Variants in FAM135B observed in about 807,000 individuals in gnomAD.
FAM135B encodes protein FAM135B.
FAM135B carries 43 observed loss-of-function variants against 127.7 expected under a neutral mutation model. The ratio of observed to expected loss-of-function variants is 0.34; its 90% CI spans 0.26 to 0.43. The LOEUF (loss-of-function observed/expected upper bound fraction) is 0.43. Among genes scored for constraint, FAM135B ranks in the 20% least tolerant of loss-of-function variants. The pLI is 1.00. For missense variants in FAM135B, 1,558 were observed against 1,725.6 expected, an observed-to-expected ratio of 0.90 and a Z score of 1.72; for synonymous variants, 670 against 665.1, an observed-to-expected ratio of 1.01 and a Z score of -0.11.
chr8:138,347,673 C>G (rs1829507277), intron 2 of FAM135B, among the ~76,000 whole-genome samples: 2 of 152,156 alleles, frequency 1.3e-5, no homozygotes, highest in African/African-American at 4.8e-5. Flanking sequence ...CATCATCACT[C>G]TGCTTGCTGA....
At position 138,241,599 on chromosome 8, in the gene FAM135B, A is replaced by G. The variant is rs2130357764; in HGVS notation, c.669+1343T>C. Among the ~76,000 whole-genome samples the G allele has an allele frequency of 6.6e-6, 1 of 152,316 alleles. No individual in the cohort carries two copies. Among genetic ancestry groups the G allele is most frequent in the East Asian group, 1.9e-4 (1 of 5,178 alleles). ...GAGCCAGCTGAGTGCATTACCTAAT[A>G]TTCTGAACAGTCTGTGCACAGAGCC... On this transcript the variant is annotated intron_variant, in intron 7 of 19. Transcript: ENST00000395297. This position sits in a 1 kb window ranked among gnomAD's most constrained non-coding sequence, Gnocchi z 4.8.
intron 1 of FAM135B, among the ~76,000 whole-genome samples, chr8:138,423,491 G>GC (rs1476859981): frequency 3.9e-5 from 6 of 152,084 alleles, no homozygotes; most frequent in Non-Finnish European, 8.8e-5. Flanking sequence ...GTTCCGTGAT[G>GC]CCCCACAAGC....
intron 2 of FAM135B, among the ~76,000 whole-genome samples, chr8:138,337,067 C>T (rs1237731201): frequency 6.6e-6 from 1 of 151,984 alleles, no homozygotes; most frequent in Admixed American, 6.5e-5. Flanking sequence ...ACCCTTCATG[C>T]TAAAAACTCT....
chr8:138,199,247 C>T (rs1011020120), intron 7 of FAM135B, among the ~76,000 whole-genome samples: 6 of 152,206 alleles, frequency 3.9e-5, no homozygotes, highest in Non-Finnish European at 8.8e-5. Context: ...CACCGTACCA[C>T]AATGATTGTC....
At chr8:138,336,282 C>T (rs916735509) in intron 2 of FAM135B, among the ~76,000 whole-genome samples, 1 of 152,078 alleles carries the variant, frequency 6.6e-6, no homozygotes, top group African/African-American at 2.4e-5. Context: ...GAAATAGAGA[C>T]ATAAAAAGCC....
chr8:138,375,738 A>G (rs1831429223), intron 1 of FAM135B, among the ~76,000 whole-genome samples: 1 of 152,054 alleles, frequency 6.6e-6, no homozygotes, highest in African/African-American at 2.4e-5. Context: ...CCAGTTTTTC[A>G]TCATCATTAT....
At chr8:138,374,980 A>T (rs1431963144) in intron 1 of FAM135B, among the ~76,000 whole-genome samples, 4 of 146,736 alleles carry the variant, frequency 2.7e-5, no homozygotes, top group Non-Finnish European at 5.9e-5. Context: ...AACCTGGGAA[A>T]ATTAACAACA....
chr8:138,433,558 TAAA>T (rs1835308952), intron 1 of FAM135B, among the ~76,000 whole-genome samples: 1 of 148,914 alleles, frequency 6.7e-6, no homozygotes, highest in Non-Finnish European at 1.5e-5. Flanking sequence ...AATAAATAAA[TAAA>T]TAAATAAAAT....
At chr8:138,303,456 G>T (rs1176313137) in intron 3 of FAM135B, among the ~76,000 whole-genome samples, 1 of 152,074 alleles carries the variant, frequency 6.6e-6, no homozygotes, top group Non-Finnish European at 1.5e-5. Context: ...GCAAGGGGAG[G>T]GAGAGCATTA....
rs748238518 is a variant in FAM135B at position 138,152,994 on chromosome 8, A to T, written c.1481T>A (p.Met494Lys). Residue 494 changes from methionine to lysine, a missense_variant, in exon 13 of 20, where the codon ATG becomes AAG. Coordinates refer to ENST00000395297, the MANE Select transcript of FAM135B (RefSeq NM_015912.4). ...ENVATQNHMD[M>K]CSESQVYISI... ...TATATACACCTGAGATTCAGAGCAC[A>T]TGTCCATATGATTTTGTGTGGCCAC... The T allele has an allele frequency of 6.2e-7, 1 of 1,614,204 alleles. No homozygotes were observed. Among genetic ancestry groups the T allele is most frequent in the Non-Finnish European group, 8.5e-7 (1 of 1,180,038 alleles).
chr8:138,387,417 A>C (rs983412838), intron 1 of FAM135B, among the ~76,000 whole-genome samples: 5 of 152,168 alleles, frequency 3.3e-5, no homozygotes, highest in Non-Finnish European at 7.4e-5. Flanking sequence ...ATAGAGAAAG[A>C]AGCAAATGCA....
intron 2 of FAM135B, among the ~76,000 whole-genome samples, chr8:138,355,074 T>C (rs1452464944): frequency 2.0e-5 from 3 of 152,148 alleles, no homozygotes; most frequent in Non-Finnish European, 4.4e-5. Flanking sequence ...AGTGTTCTCA[T>C]TGTTCAATTT....
At chr8:138,456,652 A>G (rs1836797480) in intron 1 of FAM135B, among the ~76,000 whole-genome samples, 1 of 152,174 alleles carries the variant, frequency 6.6e-6, no homozygotes, top group Non-Finnish European at 1.5e-5. Context: ...GGAAAAAACA[A>G]GCTCATTTTA....
At chr8:138,399,620 C>T (rs1833038395) in intron 1 of FAM135B, among the ~76,000 whole-genome samples, 2 of 152,104 alleles carry the variant, frequency 1.3e-5, no homozygotes, top group Non-Finnish European at 2.9e-5. Context: ...GGAAAAAAGG[C>T]TAATATTTAG....
chr8:138,183,572 C>G (rs930401066), intron 9 of FAM135B, among the ~76,000 whole-genome samples: 1 of 152,224 alleles, frequency 6.6e-6, no homozygotes, highest in Non-Finnish European at 1.5e-5. Context: ...TTTAAACTCA[C>G]AGGATATACC....
At chr8:138,428,260 T>A (rs746224643) in intron 1 of FAM135B, among the ~76,000 whole-genome samples, 6 of 152,172 alleles carry the variant, frequency 3.9e-5, no homozygotes, top group Non-Finnish European at 5.9e-5. Context: ...AAGTAATACA[T>A]AGATCTATCC....
intron 9 of FAM135B, among the ~76,000 whole-genome samples, chr8:138,194,810 T>C (rs1212720579): frequency 1.3e-5 from 2 of 152,230 alleles, no homozygotes; most frequent in Admixed American, 6.5e-5. Flanking sequence ...GCCTTTACTC[T>C]TAATGCACGC....
intron 1 of FAM135B, among the ~76,000 whole-genome samples, chr8:138,426,010 T>TATATATATATATATATAC (rs1563992442): frequency 1.2e-4 from 2 of 16,204 alleles, no homozygotes; most frequent in East Asian, 1.0e-3. Context: ...TATATATATA[T>TATATATATATATATATAC]ATACACACAC....
intron 11 of FAM135B, among the ~76,000 whole-genome samples, chr8:138,174,779 T>C (rs1276891920): frequency 6.6e-6 from 1 of 152,214 alleles, no homozygotes; most frequent in Non-Finnish European, 1.5e-5. Flanking sequence ...GCAGACCTTC[T>C]GTGACAATTC....
Sources: allele counts gnomAD v4.1 joint callset (sites outside exome capture counted in the v4.1 genomes callset), GRCh38; gene constraint gnomAD v4.1.1; non-coding constraint Gnocchi (gnomAD v3.1); transcripts MANE v1.5; gene names NCBI Gene and HGNC (gene_info 2026-07-23, HGNC 2026-07-21).